Variants in CD163L1 observed in about 807,000 individuals in gnomAD.
CD163L1 encodes the protein scavenger receptor cysteine-rich type 1 protein M160.
Under a neutral mutation model 165.4 loss-of-function variants are expected in CD163L1, and 124 were observed. That is an observed-to-expected ratio of 0.75 (90% CI 0.65 to 0.87). The LOEUF (loss-of-function observed/expected upper bound fraction) is 0.87. CD163L1 is among the 40% of genes least tolerant of loss of function. The pLI, the probability that CD163L1 is intolerant of heterozygous loss-of-function variation, is 0.00. For synonymous variants in CD163L1, 585 were observed against 662.2 expected, an observed-to-expected ratio of 0.88 and a Z score of 1.79; for missense variants, 1,525 against 1,799.9, an observed-to-expected ratio of 0.85 and a Z score of 2.76.
At chr12:7,420,997 A>G (rs927205709) in intron 4 of CD163L1, among the ~76,000 whole-genome samples, 11 of 123,516 alleles carry the variant, frequency 8.9e-5, no homozygotes, top group African/African-American at 2.4e-4. Context: ...ATATATATAC[A>G]TATATATATA....
chr12:7,421,569 A>G (rs1948420976), intron 4 of CD163L1, among the ~76,000 whole-genome samples: 1 of 134,040 alleles, frequency 7.5e-6, no homozygotes, highest in South Asian at 2.3e-4. Flanking sequence ...ATATGTACAT[A>G]TATACATGTA....
At chr12:7,360,076 T>C (rs1026343494) in intron 18 of CD163L1, among the ~76,000 whole-genome samples, 9 of 152,096 alleles carry the variant, frequency 5.9e-5, no homozygotes, top group African/African-American at 2.2e-4. Flanking sequence ...AGCCAATATT[T>C]CTTTAAAAAA....
At chr12:7,435,240 TAAAGAA>T (rs139532650) in intron 2 of CD163L1, among the ~76,000 whole-genome samples, 10,865 of 152,034 alleles carry the variant, frequency 0.071, 725 homozygotes, top group Admixed American at 0.22. Flanking sequence ...GTGATAAAAT[TAAAGAA>T]AACTTGATAA....
rs4072798 is a variant in CD163L1, at chr12:7,396,495, C to A, written c.1730-80G>T. The A allele has an allele frequency of 1.4e-5, 19 of 1,323,736 alleles. No homozygotes were observed. The South Asian group carries it at 2.5e-4, about 17-fold the overall frequency. 82.0% of individuals were successfully genotyped at this position (1,323,736 alleles called of 1,614,324 possible). On this transcript the variant is annotated intron_variant, in intron 7 of 19. Transcript: ENST00000313599. ...TGTCAACTTGGCTGGACTATGATAC[C>A]CAGTTATTTGGTCAAACACCAGTCT... is the stretch of plus-strand genomic sequence containing the variant.
chr12:7,407,782 T>C (rs1051381024), intron 4 of CD163L1, among the ~76,000 whole-genome samples: 6 of 143,984 alleles, frequency 4.2e-5, no homozygotes, highest in East Asian at 2.1e-4. Context: ...CACACATCCA[T>C]ACACACACAC....
At chr12:7,381,240 A>C (rs796805244) in intron 8 of CD163L1, among the ~76,000 whole-genome samples, 3 of 152,284 alleles carry the variant, frequency 2.0e-5, no homozygotes, top group African/African-American at 7.2e-5. Context: ...ACCAGATCAA[A>C]CCTGACCAAG....
intron 4 of CD163L1, among the ~76,000 whole-genome samples, chr12:7,421,619 GTACATATATACATATATGTAC>G (rs1948430664): frequency 3.5e-4 from 1 of 2,848 alleles, no homozygotes; most frequent in African/African-American, 5.8e-4. Flanking sequence ...ATACATATAT[GTACATATATACATATATGTAC>G]ACATATACAT....
At position 7,375,374 on chromosome 12, in the gene CD163L1, A is replaced by C. The variant is rs1290279416; in HGVS notation, c.2908T>G (p.Leu970Val). Residue 970 changes from leucine to valine, a missense_variant, in exon 11 of 20, where the codon TTA becomes GTA. By Grantham distance (32) the Leu-to-Val change is conservative (BLOSUM62 1). Coordinates refer to ENST00000313599, the MANE Select transcript of CD163L1 (RefSeq NM_174941.6). ...VRVWGHRFHC[L>V]GNESLLDNCQ... ...TTATCCAGAAGTGACTCATTCCCTA[A>C]GCAATGAAACCTGTGTCCCCACACA... is the stretch of plus-strand genomic sequence containing the variant. The C allele has an allele frequency of 1.2e-6, 2 of 1,614,160 alleles. No homozygotes were observed. Among genetic ancestry groups the C allele is most frequent in the Non-Finnish European group, 1.7e-6 (2 of 1,180,012 alleles).
Position 7,398,672 on chromosome 12 carries a change from A to T in CD163L1, c.1409-88T>A. 1.7e-6 allele frequency: 2 copies of T among 1,158,722 alleles called. No individual in the cohort carries two copies. Among genetic ancestry groups the T allele is most frequent in the South Asian group, 2.0e-5 (1 of 51,180 alleles). 71.8% of individuals were successfully genotyped at this position (1,158,722 alleles called of 1,614,324 possible). ...AAGACTCTCTAAATTCACGACTATAAGGCTTTGCCTAACAGGTGATATATT... is the reference window on the plus strand; with the variant it reads ...AAGACTCTCTAAATTCACGACTATATGGCTTTGCCTAACAGGTGATATATT... On this transcript the variant is annotated intron_variant, in intron 6 of 19. Transcript: ENST00000313599. The surrounding 1 kb of genome is among the most constrained non-coding windows in gnomAD (Gnocchi z 4.5).
chr12:7,421,041 A>ATATATATACATGTATATATATACGTG lies in CD163L1; in HGVS notation c.766+11374_766+11375insCACGTATATATATACATGTATATATA, dbSNP rs1217962587. On this transcript the variant is annotated intron_variant, in intron 4 of 19. Transcript: ENST00000313599. ...TATATATACATATATATATACGTGT[A>ATATATATACATGTATATATATACGTG]TATATATGTATATACGTATATATGT... 6.4e-5 allele frequency among the ~76,000 whole-genome samples: 7 copies of ATATATATACATGTATATATATACGTG among 108,598 alleles called. No individual in the cohort carries two copies. In the South Asian group the frequency reaches 1.3e-3, roughly 20 times the overall value. 71.2% of individuals were successfully genotyped at this position (108,598 alleles called of 152,430 possible).
intron 19 of CD163L1, among the ~76,000 whole-genome samples, chr12:7,356,456 T>C (rs967181127): frequency 6.6e-5 from 10 of 152,036 alleles, no homozygotes; most frequent in East Asian, 1.9e-4. Context: ...TGGGTCAAAT[T>C]TGAAATAGTT....
At chr12:7,413,060 T>TA (rs1394592910) in intron 4 of CD163L1, among the ~76,000 whole-genome samples, 1 of 129,116 alleles carries the variant, frequency 7.7e-6, no homozygotes, top group Non-Finnish European at 1.5e-5. Flanking sequence ...CATGCCACTG[T>TA]ACTCCTGAGC....
downstream of CD163L1, among the ~76,000 whole-genome samples, chr12:7,353,975 G>A (rs75005931): frequency 0.17 from 25,547 of 151,820 alleles, 2,696 homozygotes; most frequent in Admixed American, 0.28. Flanking sequence ...TGCAAAGAGA[G>A]GCCCCAATAT....
At chr12:7,335,101 A>T in the CD163L1 span, among the ~76,000 whole-genome samples, 1 of 152,188 alleles carries the variant, frequency 6.6e-6, no homozygotes, top group African/African-American at 2.4e-5. Flanking sequence ...CATCCCCATC[A>T]AGCTACCAAT....
chr12:7,324,192 A>G, the CD163L1 span: 1 of 1,518,124 alleles, frequency 6.6e-7, no homozygotes, highest in South Asian at 1.2e-5. Flanking sequence ...TAGGATGTGT[A>G]ATGTACTAGT....
chr12:7,368,251 G>A lies in CD163L1; in HGVS notation c.4073-54C>T. 1.0e-6 allele frequency: 1 copy of A among 992,712 alleles called. No homozygotes were observed. Among genetic ancestry groups the A allele is most frequent in the Non-Finnish European group, 1.5e-6 (1 of 648,530 alleles). 61.5% of individuals were successfully genotyped at this position (992,712 alleles called of 1,614,324 possible). A position where few individuals can be genotyped will look rare whatever the true frequency, so the allele number is the denominator to read the frequency against. On this transcript the variant is annotated intron_variant, in intron 16 of 19. Transcript: ENST00000313599. The surrounding 1 kb of genome is among the most constrained non-coding windows in gnomAD (Gnocchi z 4.3). ...TTAAACTAGTAGATATCAATTGTGG[G>A]TTTATACATTGTAAAAAAAACTGGT...
chr12:7,338,613 C>T, the CD163L1 span, among the ~76,000 whole-genome samples: 1 of 152,176 alleles, frequency 6.6e-6, no homozygotes, highest in Non-Finnish European at 1.5e-5. Context: ...GAGATGCTTA[C>T]TCTGAATATC....
chr12:7,443,940 C>T (rs1159408158), intron 1 of CD163L1, among the ~76,000 whole-genome samples, 157 bp downstream of exon 1: 2 of 152,162 alleles, frequency 1.3e-5, no homozygotes, highest in African/African-American at 4.8e-5. Context: ...ATTGCTGCTA[C>T]TCTAAGTTCC....
At chr12:7,438,360 T>TAA (rs1453701151) in intron 2 of CD163L1, among the ~76,000 whole-genome samples, 3 of 152,192 alleles carry the variant, frequency 2.0e-5, no homozygotes, top group Non-Finnish European at 4.4e-5. Context: ...AATTCTCTAT[T>TAA]AAATACATTT....
Sources: allele counts gnomAD v4.1 joint callset (sites outside exome capture counted in the v4.1 genomes callset), GRCh38; gene constraint gnomAD v4.1.1; non-coding constraint Gnocchi (gnomAD v3.1); transcripts MANE v1.5; gene names NCBI Gene and HGNC (gene_info 2026-07-23, HGNC 2026-07-21).